The following ULK4 variants were observed in gnomAD, a reference collection of about 807,000 sequenced individuals.
ULK4 encodes inactive serine/threonine-protein kinase ULK4.
Under a neutral mutation model 160.6 loss-of-function variants are expected in ULK4, and 133 were observed. The ratio of observed to expected loss-of-function variants is 0.83; its 90% CI spans 0.72 to 0.96. The LOEUF is 0.96. Among genes scored for constraint, ULK4 ranks in the 40% least tolerant of loss-of-function variants. The probability of loss-of-function intolerance (pLI) is 0.00; values close to 1 mark genes in which losing one functional copy is unlikely to be tolerated. For missense variants in ULK4, 1,580 were observed against 1,499.5 expected (o/e 1.05, Z -0.89); for synonymous variants, 534 against 539.8 (o/e 0.99, Z 0.15).
intron 31 of ULK4, among the ~76,000 whole-genome samples, chr3:41,573,956 T>C (rs2088091060): frequency 6.6e-6 from 1 of 152,156 alleles, no homozygotes; most frequent in African/African-American, 2.4e-5. Flanking sequence ...TGATGATTTT[T>C]CACAAGGCTG....
chr3:41,863,126 G>A (rs1453863551), intron 17 of ULK4, among the ~76,000 whole-genome samples: 1 of 152,174 alleles, frequency 6.6e-6, no homozygotes, highest in Non-Finnish European at 1.5e-5. Flanking sequence ...AGTCTACCTG[G>A]TGTTCTAATG....
chr3:41,926,639 T>A (rs970708333), intron 5 of ULK4, among the ~76,000 whole-genome samples: 1 of 149,766 alleles, frequency 6.7e-6, no homozygotes, highest in East Asian at 1.9e-4. Context: ...AATAACCAGT[T>A]TAGAGAAGAA....
intron 2 of ULK4, among the ~76,000 whole-genome samples, chr3:41,950,183 C>T (rs1700242520): frequency 6.6e-6 from 1 of 151,906 alleles, no homozygotes; most frequent in Non-Finnish European, 1.5e-5. Context: ...GCCATCCAGG[C>T]TCAAACAATC....
chr3:41,751,396 C>T (rs1021743369), intron 22 of ULK4, among the ~76,000 whole-genome samples: 1 of 152,114 alleles, frequency 6.6e-6, no homozygotes, highest in Non-Finnish European at 1.5e-5. Flanking sequence ...CTTAGGAGGC[C>T]AAAGACAGGA....
intron 31 of ULK4, among the ~76,000 whole-genome samples, chr3:41,567,779 TTTTAC>T (rs1435224610): frequency 6.6e-6 from 1 of 152,088 alleles, no homozygotes; most frequent in African/African-American, 2.4e-5. Flanking sequence ...ATAAATTTTA[TTTTAC>T]TTTTTAAATG....
At chr3:41,296,314 GAA>G (rs952358663) in intron 35 of ULK4, among the ~76,000 whole-genome samples, 1 of 152,112 alleles carries the variant, frequency 6.6e-6, no homozygotes, top group African/African-American at 2.4e-5. Context: ...ACCTCGGTTT[GAA>G]AGAAAAGAAA....
intron 22 of ULK4, 127 bp from the exon 23 acceptor site, chr3:41,717,988 A>G (rs2037330610): frequency 2.6e-6 from 3 of 1,154,872 alleles, no homozygotes; most frequent in Non-Finnish European, 2.4e-6. Context: ...TTAGATTTGT[A>G]GCAACTTGTC....
At chr3:41,721,716 A>T (rs2037478004) in intron 22 of ULK4, among the ~76,000 whole-genome samples, 1 of 152,022 alleles carries the variant, frequency 6.6e-6, no homozygotes, top group Non-Finnish European at 1.5e-5. Context: ...CCTTTTTAAA[A>T]ACATTTTCTA....
At chr3:41,347,993 A>C (rs1365628320) in intron 35 of ULK4, among the ~76,000 whole-genome samples, 1 of 151,946 alleles carries the variant, frequency 6.6e-6, no homozygotes, top group Non-Finnish European at 1.5e-5. Flanking sequence ...GGATCACCTG[A>C]GGTCAGGAGT....
intron 35 of ULK4, among the ~76,000 whole-genome samples, chr3:41,283,427 G>A (rs1181587526): frequency 6.6e-6 from 1 of 152,170 alleles, no homozygotes; most frequent in Non-Finnish European, 1.5e-5. Flanking sequence ...ACTGGATTAA[G>A]AAAATGTGGC....
At chr3:41,511,874 T>C (rs1281366169) in intron 32 of ULK4, among the ~76,000 whole-genome samples, 1 of 151,806 alleles carries the variant, frequency 6.6e-6, no homozygotes, top group Non-Finnish European at 1.5e-5. Context: ...TGAACACAGA[T>C]AAAAAAATCC....
rs1048656828 is a variant in ULK4 at position 41,906,887 on chromosome 3, G to A, written c.1182+958C>T. On this transcript the variant is annotated intron_variant, in intron 12 of 36. Coordinates refer to ENST00000301831, the MANE Select transcript of ULK4 (RefSeq NM_017886.4). ...GCACGACTGTAGTCCCAGCGACTTG[G>A]TAGGCTGAGGCAGGAGAATTGCTTG... Among the ~76,000 whole-genome samples the A allele has an allele frequency of 4.6e-5, 7 of 152,222 alleles. No homozygotes were observed. In the East Asian group the frequency reaches 1.4e-3, roughly 29 times the overall value.
intron 21 of ULK4, among the ~76,000 whole-genome samples, chr3:41,783,804 T>C (rs1423225694): frequency 1.3e-5 from 2 of 152,192 alleles, no homozygotes; most frequent in East Asian, 3.8e-4. Context: ...AATGAGCTCA[T>C]CCAATATATT....
intron 35 of ULK4, among the ~76,000 whole-genome samples, chr3:41,250,116 C>T (rs1259958997): frequency 6.6e-6 from 1 of 152,094 alleles, no homozygotes; most frequent in African/African-American, 2.4e-5. Flanking sequence ...CTTGGGCATG[C>T]CTGACTCTGT....
rs143030866 is a variant in ULK4, at chr3:41,297,107, GCT to G, written c.3679-47535_3679-47534del. Among the ~76,000 whole-genome samples, 1,234 of 152,304 alleles carry G rather than the reference GCT, an allele frequency of 8.1e-3. 82 individuals are homozygous for G. The East Asian group carries it at 0.17, about 21-fold the overall frequency. On this transcript the variant is annotated intron_variant, in intron 35 of 36. Transcript: ENST00000301831. ...GGTACCTGTCCACTGCTGGGAATGTGCTCTCTTTGCTTCACTGAAGCCCATCC... is the reference window on the plus strand; with the variant it reads ...GGTACCTGTCCACTGCTGGGAATGTGCTCTTTGCTTCACTGAAGCCCATCC...
chr3:41,395,071 T>G (rs1408278344), intron 35 of ULK4, among the ~76,000 whole-genome samples: 3 of 151,948 alleles, frequency 2.0e-5, no homozygotes, highest in Admixed American at 2.0e-4. Context: ...CATTTTTGCA[T>G]CTTACTTCCT....
chr3:41,247,705 C>T (rs1036077491), intron 36 of ULK4, among the ~76,000 whole-genome samples: 7 of 152,170 alleles, frequency 4.6e-5, no homozygotes, highest in Non-Finnish European at 8.8e-5. Flanking sequence ...GCATCAAAGC[C>T]CCTGTGTGAC....
chr3:41,689,811 G>A (rs1392796900), intron 27 of ULK4, among the ~76,000 whole-genome samples: 2 of 151,314 alleles, frequency 1.3e-5, no homozygotes, highest in Non-Finnish European at 2.9e-5. Context: ...GAGAGGAGGT[G>A]GAGAAATAGG....
At chr3:41,346,298 C>G (rs1684325346) in intron 35 of ULK4, among the ~76,000 whole-genome samples, 1 of 152,312 alleles carries the variant, frequency 6.6e-6, no homozygotes, top group East Asian at 1.9e-4. Flanking sequence ...ACCCACCACT[C>G]ATGCTGGGCC....
Sources: allele counts gnomAD v4.1 joint callset (sites outside exome capture counted in the v4.1 genomes callset), GRCh38; gene constraint gnomAD v4.1.1; transcripts MANE v1.5; gene names NCBI Gene and HGNC (gene_info 2026-07-23, HGNC 2026-07-21).